JAK2: variants seen among roughly 807,000 people sequenced by gnomAD.
JAK2 encodes the protein tyrosine-protein kinase JAK2.
JAK2 carries 86 observed loss-of-function variants against 139.3 expected under a neutral mutation model. The ratio of observed to expected loss-of-function variants is 0.62; its 90% CI spans 0.52 to 0.74. The LOEUF (loss-of-function observed/expected upper bound fraction) is 0.74. Among genes scored for constraint, JAK2 ranks in the 30% least tolerant of loss-of-function variants. JAK2 has a pLI of 0.00. For synonymous variants in JAK2, 490 were observed against 437.7 expected (o/e 1.12, Z -1.49); for missense variants, 1,421 against 1,360.3 (o/e 1.04, Z -0.70).
At chr9:5,056,268 G>A (rs556451873) in intron 8 of JAK2, among the ~76,000 whole-genome samples, 10 of 151,956 alleles carry the variant, frequency 6.6e-5, no homozygotes, top group Non-Finnish European at 1.0e-4. Flanking sequence ...AAAGATTAAC[G>A]CTTTCTCTTT....
intron 22 of JAK2, chr9:5,097,470 C>T (rs1821093223): frequency 6.6e-6 from 1 of 152,142 alleles, no homozygotes; most frequent in African/African-American, 2.4e-5. Context: ...GGTATATGGG[C>T]ATAGTATGAG....
At position 5,121,241 on chromosome 9, in the gene JAK2, C is replaced by A. The variant is rs149173875; in HGVS notation, c.3060-1763C>A. ...AGCAGGATGTGATGTGTATCACAAG[C>A]AGTCCCCTAAGAGATTTGCAAAGAC... On this transcript the variant is annotated intron_variant, in intron 22 of 24. Coordinates refer to ENST00000381652, the MANE Select transcript of JAK2 (RefSeq NM_004972.4). Among the ~76,000 whole-genome samples, 33 of 152,282 alleles carry A rather than the reference C, an allele frequency of 2.2e-4. 2 individuals carry two copies. In the East Asian group the frequency reaches 6.4e-3, roughly 29 times the overall value.
At chr9:5,089,605 ATTATAAAAT>A (rs1444320988) in intron 19 of JAK2, 60 bp from the exon 20 acceptor site, 10 of 644,148 alleles carry the variant, frequency 1.6e-5, no homozygotes, top group Non-Finnish European at 1.9e-5. Context: ...TTTCTATATA[ATTATAAAAT>A]TTATTTGTAA....
intron 22 of JAK2, chr9:5,095,031 G>A (rs968028118): frequency 1.3e-5 from 2 of 149,862 alleles, no homozygotes; most frequent in African/African-American, 4.9e-5. Flanking sequence ...AAATATGTCT[G>A]ACAAAAGAAT....
At chr9:5,098,656 A>G (rs1295971583) in intron 22 of JAK2, 2 of 152,170 alleles carry the variant, frequency 1.3e-5, no homozygotes, top group Non-Finnish European at 2.9e-5. Context: ...ATGATATTGA[A>G]GCTATGAATA....
At chr9:5,055,595 GTCT>G (rs1202027149) in intron 7 of JAK2, 71 bp from the exon 8 acceptor site, 48 of 1,149,298 alleles carry the variant, frequency 4.2e-5, no homozygotes, top group Non-Finnish European at 5.8e-5. Context: ...AAAGAATGTT[GTCT>G]TCTTAAGTCT....
chr9:5,092,640 T>A (rs1820675761), intron 22 of JAK2, among the ~76,000 whole-genome samples: 2 of 152,176 alleles, frequency 1.3e-5, no homozygotes, highest in Non-Finnish European at 2.9e-5. Flanking sequence ...CCCTTATACC[T>A]TCTGCATAAA....
intron 3 of JAK2, among the ~76,000 whole-genome samples, chr9:5,028,631 A>G (rs193173360): frequency 2.0e-5 from 3 of 152,180 alleles, no homozygotes; most frequent in Admixed American, 6.5e-5. Context: ...CTGAAAATCT[A>G]TTGTTTATCA....
chr9:4,998,465 C>T (rs879870119), intron 2 of JAK2, among the ~76,000 whole-genome samples: 9 of 152,128 alleles, frequency 5.9e-5, no homozygotes, highest in Non-Finnish European at 1.3e-4. Context: ...CCATGTTGGT[C>T]AGGCTGGTCT....
At chr9:5,030,166 AAACAAAATCACAGTGGCCTTTATT>A (rs1231062833) in intron 4 of JAK2, among the ~76,000 whole-genome samples, 1 of 152,202 alleles carries the variant, frequency 6.6e-6, no homozygotes, top group African/African-American at 2.4e-5. Flanking sequence ...TTAAATAAGT[AAACAAAATCACAGTGGCCTTTATT>A]AACAAAATCC....
intron 10 of JAK2, among the ~76,000 whole-genome samples, chr9:5,068,420 T>C (rs1401376717): frequency 6.6e-6 from 1 of 152,228 alleles, no homozygotes; most frequent in Non-Finnish European, 1.5e-5. Flanking sequence ...AATGGCTGTA[T>C]GTTCACCTTT....
intron 8 of JAK2, among the ~76,000 whole-genome samples, chr9:5,064,147 C>T (rs923761407): frequency 6.6e-6 from 1 of 151,796 alleles, no homozygotes; most frequent in Admixed American, 6.6e-5. Flanking sequence ...CAGAGCAAGA[C>T]TCTGACTGGG....
chr9:5,109,146 G>T (rs530518757), intron 22 of JAK2: 1 of 151,940 alleles, frequency 6.6e-6, no homozygotes, highest in Admixed American at 6.6e-5. Context: ...CTCCCTACAT[G>T]TACCAATCAC....
intron 22 of JAK2, chr9:5,099,500 T>C (rs1821294704): frequency 6.6e-6 from 1 of 152,202 alleles, no homozygotes; most frequent in Admixed American, 6.5e-5. Context: ...AAATTTCATT[T>C]ATATTATCCC....
intron 2 of JAK2, among the ~76,000 whole-genome samples, chr9:5,017,437 C>T (rs1322657429): frequency 1.3e-5 from 2 of 152,186 alleles, no homozygotes; most frequent in East Asian, 3.8e-4. Flanking sequence ...AGAAAACCAA[C>T]TCTTAGATTT....
intron 6 of JAK2, among the ~76,000 whole-genome samples, chr9:5,052,612 G>A (rs1188443292): frequency 6.6e-6 from 1 of 151,992 alleles, no homozygotes; most frequent in African/African-American, 2.4e-5. Flanking sequence ...CATCCTTTCT[G>A]AAAGAAACCC....
At chr9:5,076,596 A>G (rs1339105473) in intron 14 of JAK2, among the ~76,000 whole-genome samples, 1 of 152,182 alleles carries the variant, frequency 6.6e-6, no homozygotes, top group African/African-American at 2.4e-5. Context: ...CAAGTTTTAT[A>G]TGCATTGGGA....
At chr9:4,992,513 G>T (rs879380076) in intron 2 of JAK2, among the ~76,000 whole-genome samples, 15 of 152,044 alleles carry the variant, frequency 9.9e-5, no homozygotes, top group Admixed American at 9.8e-4. Flanking sequence ...GCCATAGTTT[G>T]CCATTTTGCC....
intron 19 of JAK2, among the ~76,000 whole-genome samples, chr9:5,088,188 T>G (rs1563991840): frequency 6.6e-6 from 1 of 152,154 alleles, no homozygotes; most frequent in African/African-American, 2.4e-5. Context: ...AAGTTGTGGA[T>G]CAATATTCTA....
Sources: allele counts gnomAD v4.1 joint callset (sites outside exome capture counted in the v4.1 genomes callset), GRCh38; gene constraint gnomAD v4.1.1; transcripts MANE v1.5; gene names NCBI Gene and HGNC (gene_info 2026-07-23, HGNC 2026-07-21).